The following TFEC variants were observed in gnomAD, a reference collection of about 807,000 sequenced individuals.
TFEC encodes class E basic helix-loop-helix protein 34.
A neutral mutation model predicts 41.6 loss-of-function variants in TFEC; 31 were observed. The observed-to-expected ratio is 0.74, with a 90% CI of 0.56 to 1.01. TFEC has a LOEUF of 1.01. Ranked by LOEUF, TFEC falls within the 50% of genes least tolerant of loss-of-function variation. The probability of loss-of-function intolerance (pLI) is 0.00; values close to 1 mark genes in which losing one functional copy is unlikely to be tolerated. For synonymous variants in TFEC, 143 were observed against 140.6 expected (o/e 1.02, Z -0.12); for missense variants, 402 against 404.1 (o/e 0.99, Z 0.04).
intron 3 of TFEC, among the ~76,000 whole-genome samples, chr7:116,062,994 A>T (rs1345585867): frequency 6.6e-6 from 1 of 152,220 alleles, no homozygotes; most frequent in East Asian, 1.9e-4. Context: ...ATTTAGACAC[A>T]AATATTTATA....
chr7:116,129,686 A>C (rs1798291826), intron 1 of TFEC, among the ~76,000 whole-genome samples: 2 of 142,876 alleles, frequency 1.4e-5, no homozygotes, highest in African/African-American at 5.3e-5. Flanking sequence ...TCTGCCTCCC[A>C]GGTTCAAGCA....
At chr7:116,113,399 G>A (rs1281637733) in intron 1 of TFEC, among the ~76,000 whole-genome samples, 2 of 151,948 alleles carry the variant, frequency 1.3e-5, no homozygotes, top group Non-Finnish European at 2.9e-5. Context: ...GTTGTGCTAG[G>A]AGGCAAGCTT....
intron 3 of TFEC, among the ~76,000 whole-genome samples, chr7:116,065,244 A>G (rs1224915095): frequency 6.6e-6 from 1 of 152,136 alleles, no homozygotes; most frequent in South Asian, 2.1e-4. Flanking sequence ...TGCTACCAAG[A>G]TTTCCAATAA....
intron 3 of TFEC, among the ~76,000 whole-genome samples, chr7:116,087,000 T>A (rs1797218338): frequency 1.3e-5 from 2 of 151,982 alleles, no homozygotes; most frequent in African/African-American, 4.8e-5. Flanking sequence ...GGAGTTATTT[T>A]CCACTGGTAA....
At chr7:115,942,393 A>G (rs1333767555) in intron 6 of TFEC, among the ~76,000 whole-genome samples, 3 of 152,022 alleles carry the variant, frequency 2.0e-5, no homozygotes, top group African/African-American at 7.2e-5. Context: ...GCATTAATGA[A>G]CTAGGAAATG....
At chr7:116,068,701 T>G (rs562990672) in intron 3 of TFEC, among the ~76,000 whole-genome samples, 156 of 151,768 alleles carry the variant, frequency 1.0e-3, no homozygotes, top group Non-Finnish European at 1.7e-3. Context: ...CATATCTTAA[T>G]GAGAATTAAT....
intron 1 of TFEC, among the ~76,000 whole-genome samples, chr7:116,131,579 C>T (rs954546351): frequency 1.3e-5 from 2 of 152,068 alleles, no homozygotes; most frequent in African/African-American, 4.8e-5. Flanking sequence ...AATATTGCCT[C>T]ATAGAAAGAG....
chr7:116,060,836 T>A (rs1235950090), intron 3 of TFEC, among the ~76,000 whole-genome samples: 1 of 151,668 alleles, frequency 6.6e-6, no homozygotes, highest in Non-Finnish European at 1.5e-5. Flanking sequence ...ATAACAAACC[T>A]TCACATATAC....
intron 1 of TFEC, among the ~76,000 whole-genome samples, chr7:116,147,441 C>T (rs1233198250): frequency 6.6e-6 from 1 of 152,098 alleles, no homozygotes; most frequent in Non-Finnish European, 1.5e-5. Flanking sequence ...TTCTAGGGTA[C>T]ATGTGCACAA....
At chr7:115,945,189 C>T (rs1455630624) in intron 6 of TFEC, among the ~76,000 whole-genome samples, 1 of 149,728 alleles carries the variant, frequency 6.7e-6, no homozygotes, top group Non-Finnish European at 1.5e-5. Flanking sequence ...ATTGTCATAA[C>T]ATAATAATGT....
At chr7:116,146,097 A>C (rs1798635560) in intron 1 of TFEC, among the ~76,000 whole-genome samples, 1 of 152,218 alleles carries the variant, frequency 6.6e-6, no homozygotes, top group South Asian at 2.1e-4. Flanking sequence ...AATGTTAACT[A>C]GCAGTTTAAA....
chr7:115,979,602 A>T (rs913723111), intron 2 of TFEC, among the ~76,000 whole-genome samples: 7 of 152,042 alleles, frequency 4.6e-5, no homozygotes, highest in Non-Finnish European at 8.8e-5. Context: ...TGAGAAATAG[A>T]TTTTTTATTT....
intron 1 of TFEC, among the ~76,000 whole-genome samples, chr7:115,987,366 A>C (rs1793905906): frequency 6.6e-6 from 1 of 152,224 alleles, no homozygotes. Context: ...ATGTACCACT[A>C]ATTTTAAAAT....
At chr7:116,066,251 C>A (rs1796692329) in intron 3 of TFEC, among the ~76,000 whole-genome samples, 1 of 152,074 alleles carries the variant, frequency 6.6e-6, no homozygotes, top group Non-Finnish European at 1.5e-5. Context: ...CAAAGCTGAT[C>A]TACAAAGATC....
rs549796381 is a variant in TFEC at position 116,082,270 on chromosome 7, A to G, written c.198+28438T>C. Among the ~76,000 whole-genome samples, 10 of 149,168 alleles carry G rather than the reference A, an allele frequency of 6.7e-5. No individual in the cohort carries two copies. The South Asian group carries it at 1.9e-3, about 28-fold the overall frequency. On this transcript the variant is annotated intron_variant, in intron 3 of 8. Transcript: ENST00000484212. Reference sequence around the variant, plus strand: ...TTAGCACTGAAAAGCAAATTCTCCCAGTGCCTGCCTCACTCCCAAATTCAC... The same window carrying G: ...TTAGCACTGAAAAGCAAATTCTCCCGGTGCCTGCCTCACTCCCAAATTCAC...
At chr7:116,089,042 A>G (rs1253642375) in intron 3 of TFEC, among the ~76,000 whole-genome samples, 1 of 152,104 alleles carries the variant, frequency 6.6e-6, no homozygotes, top group African/African-American at 2.4e-5. Context: ...CCAACCATCA[A>G]TTCACTACAG....
At chr7:115,949,505 T>C (rs568392998) in intron 6 of TFEC, among the ~76,000 whole-genome samples, 24 of 152,160 alleles carry the variant, frequency 1.6e-4, no homozygotes, top group Middle Eastern at 3.4e-3. Flanking sequence ...AACAGAGATA[T>C]AGATCAATGG....
At chr7:116,090,406 A>G (rs965710330) in intron 3 of TFEC, among the ~76,000 whole-genome samples, 1 of 152,132 alleles carries the variant, frequency 6.6e-6, no homozygotes, top group African/African-American at 2.4e-5. Context: ...TGTGGAGTGT[A>G]CTTTCATTTT....
intron 2 of TFEC, among the ~76,000 whole-genome samples, chr7:115,977,337 T>C (rs1208013313): frequency 6.6e-6 from 1 of 151,972 alleles, no homozygotes; most frequent in Non-Finnish European, 1.5e-5. Flanking sequence ...GCATAGAAAG[T>C]ATAAGATTCA....
Sources: allele counts gnomAD v4.1 joint callset (sites outside exome capture counted in the v4.1 genomes callset), GRCh38; gene constraint gnomAD v4.1.1; transcripts MANE v1.5; gene names NCBI Gene and HGNC (gene_info 2026-07-23, HGNC 2026-07-21).